Variants in HDC observed in about 807,000 individuals in gnomAD.
HDC encodes the protein histidine decarboxylase.
HDC carries 27 observed loss-of-function variants against 64.4 expected under a neutral mutation model. The ratio of observed to expected loss-of-function variants is 0.42; its 90% CI spans 0.31 to 0.58. The LOEUF is 0.58. Among genes scored for constraint, HDC ranks in the 20% least tolerant of loss-of-function variants. The pLI is 0.16. For synonymous variants in HDC, 305 were observed against 314.2 expected (o/e 0.97, Z 0.31); for missense variants, 711 against 833.9 (o/e 0.85, Z 1.81).
chr15:50,265,589 T>C lies in HDC; in HGVS notation c.31+4A>G. The C allele has an allele frequency of 2.5e-6, 4 of 1,613,736 alleles. No homozygotes were observed. Among genetic ancestry groups the C allele is most frequent in the Non-Finnish European group, 3.4e-6 (4 of 1,179,678 alleles). On this transcript the variant is annotated splice_donor_region_variant and intron_variant, in intron 1 of 11. Transcript: ENST00000267845. ...GAAGAGGGCCAGGGATGCCCGTTGCTCACCTCTCTCTCTGTACTCCTCAGG... is the reference window on the plus strand; with the variant it reads ...GAAGAGGGCCAGGGATGCCCGTTGCCCACCTCTCTCTCTGTACTCCTCAGG...
Position 50,253,606 on chromosome 15 carries a change from G to C in HDC, c.781C>G (p.Pro261Ala). ...CAFDCLSELGPICAREGLWLH... is the reference protein window; with the variant it reads ...CAFDCLSELGAICAREGLWLH... ...ACAGAGGGAAGATACTTACAGATGG[G>C]GCCCAGCTCTGACAGGCAGTCAAAT... The change falls in exon 7 of 12, where the codon CCC becomes GCC. Residue 261 changes from proline (P) to alanine (A), a missense_variant. Physicochemically the swap from Pro to Ala is conservative, Grantham distance 27. Around this residue, in one of 3 missense-constraint regions of HDC, gnomAD observed 483 missense variants for 540.9 expected, o/e 0.89. Transcript: ENST00000267845. 1 of 1,613,682 alleles carries C rather than the reference G, an allele frequency of 6.2e-7. No individual in the cohort carries two copies. The highest frequency in any genetic ancestry group is 8.5e-7 in the Non-Finnish European group (1 of 1,179,708).
At position 50,254,252 on chromosome 15, in the gene HDC, C is replaced by T; in HGVS notation, c.598G>A (p.Ala200Thr). The change falls in exon 6 of 12, where the codon GCT becomes ACT. Residue 200 changes from alanine to threonine, a missense_variant. Transcript: ENST00000267845. ...ATCTTCACAAGGGAAATCAAACCAG[C>T]CTTTTCCACAGAGGAGTGAGCCTAG... is the stretch of plus-strand genomic sequence containing the variant. ...SDQAHSSVEKAGLISLVKMKF... is the reference protein window; with the variant it reads ...SDQAHSSVEKTGLISLVKMKF... 1.2e-6 allele frequency: 2 copies of T among 1,614,150 alleles called. No individual in the cohort carries two copies. Among genetic ancestry groups the T allele is most frequent in the Non-Finnish European group, 1.7e-6 (2 of 1,180,034 alleles).
intron 9 of HDC, among the ~76,000 whole-genome samples, chr15:50,249,409 C>T (rs1355590965): frequency 1.3e-5 from 2 of 152,188 alleles, no homozygotes; most frequent in African/African-American, 4.8e-5. Context: ...ATTTATCTGC[C>T]CATACACAAG....
At chr15:50,253,749 T>G (rs1306541006) in intron 6 of HDC, 83 bp from the exon 7 acceptor site, 1 of 1,043,066 alleles carries the variant, frequency 9.6e-7, no homozygotes, top group Non-Finnish European at 1.5e-6. Context: ...ACCACAGACG[T>G]GATCTACTCC....
chr15:50,263,765 A>C (rs1402389860), intron 1 of HDC, among the ~76,000 whole-genome samples: 1 of 152,028 alleles, frequency 6.6e-6, no homozygotes, highest in Non-Finnish European at 1.5e-5. Context: ...GTGCCACTGC[A>C]CTCCAGCCTG....
chr15:50,258,985 C>T (rs995334948), intron 2 of HDC, among the ~76,000 whole-genome samples: 1 of 143,886 alleles, frequency 6.9e-6, no homozygotes, highest in Non-Finnish European at 1.5e-5. Context: ...ATGGTGAAAC[C>T]CCATCTCTAC....
intron 2 of HDC, among the ~76,000 whole-genome samples, chr15:50,262,860 C>T (rs910503432): frequency 2.6e-5 from 4 of 152,142 alleles, no homozygotes; most frequent in African/African-American, 9.7e-5. Flanking sequence ...CTACCACCAG[C>T]TTCCTCTCCC....
chr15:50,255,053 C>G (rs553229639), intron 4 of HDC, among the ~76,000 whole-genome samples: 5 of 152,272 alleles, frequency 3.3e-5, no homozygotes, highest in African/African-American at 1.2e-4. Flanking sequence ...GAGTTTGAGT[C>G]CCCAGGAAGA....
intron 2 of HDC, among the ~76,000 whole-genome samples, chr15:50,259,544 C>T (rs1261387138): frequency 1.3e-5 from 2 of 152,200 alleles, no homozygotes; most frequent in Non-Finnish European, 2.9e-5. Context: ...CATCTCACTG[C>T]TCTGCAAGCA....
At chr15:50,244,851 G>A (rs2045456785) in intron 10 of HDC, 1 of 152,034 alleles carries the variant, frequency 6.6e-6, no homozygotes, top group Admixed American at 6.6e-5. Flanking sequence ...ACTCCCACCT[G>A]GGCTATGGTG....
intron 3 of HDC, 46 bp downstream of exon 3, chr15:50,258,358 C>A: frequency 9.4e-7 from 1 of 1,063,502 alleles, no homozygotes; most frequent in East Asian, 2.4e-5. Context: ...GATACCACTC[C>A]CTGCTACGTT....
chr15:50,255,718 T>C (rs1333274719), intron 4 of HDC, among the ~76,000 whole-genome samples: 2 of 152,106 alleles, frequency 1.3e-5, no homozygotes, highest in Admixed American at 1.3e-4. Flanking sequence ...GAGGATTGCT[T>C]GGGCCCAGGA....
chr15:50,254,403 G>A (rs2045599067), intron 5 of HDC, 127 bp downstream of exon 5: 2 of 1,534,300 alleles, frequency 1.3e-6, no homozygotes, highest in South Asian at 2.3e-5. Flanking sequence ...AGTTGCTGGA[G>A]ACAAGCTCCC....
intron 7 of HDC, chr15:50,253,101 A>AC (rs2045580582): frequency 2.3e-6 from 1 of 440,852 alleles, no homozygotes; most frequent in Admixed American, 3.6e-5. Context: ...ATGTCAGTGC[A>AC]CCGAATACAA....
chr15:50,255,029 C>T lies in HDC; in HGVS notation c.442-365G>A, dbSNP rs760328558. Reference sequence around the variant, plus strand: ...TAAAAGAAGAACTCTCAGCTTATTACACAAATGGATATGGAGTTTGAGTCC... The same window carrying T: ...TAAAAGAAGAACTCTCAGCTTATTATACAAATGGATATGGAGTTTGAGTCC... On this transcript the variant is annotated intron_variant, in intron 4 of 11. Transcript: ENST00000267845. 4.6e-5 allele frequency among the ~76,000 whole-genome samples: 7 copies of T among 152,188 alleles called. No individual in the cohort carries two copies. The East Asian group carries it at 1.3e-3, about 29-fold the overall frequency.
chr15:50,253,846 T>C (rs2045590712), intron 6 of HDC, 180 bp from the exon 7 acceptor site: 1 of 656,966 alleles, frequency 1.5e-6, no homozygotes, highest in Admixed American at 2.6e-5. Flanking sequence ...ATCTAGTACA[T>C]GTATACGTGT....
intron 9 of HDC, 41 bp downstream of exon 9, chr15:50,252,389 G>A (rs2045567775): frequency 6.5e-7 from 1 of 1,547,616 alleles, no homozygotes; most frequent in Non-Finnish European, 8.9e-7. Flanking sequence ...GTTCCCACTG[G>A]CCACCCGAGC....
At chr15:50,263,835 C>T (rs762408452) in intron 1 of HDC, among the ~76,000 whole-genome samples, 4 of 151,954 alleles carry the variant, frequency 2.6e-5, no homozygotes, top group Non-Finnish European at 2.9e-5. Context: ...ATCCCCTGCA[C>T]GACCTTATCT....
At chr15:50,256,789 A>G (rs753249197) in intron 4 of HDC, among the ~76,000 whole-genome samples, 1 of 152,214 alleles carries the variant, frequency 6.6e-6, no homozygotes, top group Non-Finnish European at 1.5e-5. Flanking sequence ...CAGGAAACAT[A>G]CATTAAAGTA....
Sources: allele counts gnomAD v4.1 joint callset (sites outside exome capture counted in the v4.1 genomes callset), GRCh38; gene constraint gnomAD v4.1.1; regional missense constraint gnomAD v4.1.1; transcripts MANE v1.5; gene names NCBI Gene and HGNC (gene_info 2026-07-23, HGNC 2026-07-21).